Variants in LANCL2 observed in about 807,000 individuals in gnomAD.
LANCL2 encodes the protein LanC like glutathione S-transferase 2.
A neutral mutation model predicts 56.9 loss-of-function variants in LANCL2; 33 were observed. That is an observed-to-expected ratio of 0.58 (90% confidence interval 0.44 to 0.78). LANCL2 has a LOEUF of 0.78. Among genes scored for constraint, LANCL2 ranks in the 30% least tolerant of loss-of-function variants. LANCL2 has a pLI of 0.00. For missense variants in LANCL2, 562 were observed against 580.2 expected (o/e 0.97, Z 0.32); for synonymous variants, 233 against 228.2 (o/e 1.02, Z -0.19).
intron 1 of LANCL2, among the ~76,000 whole-genome samples, chr7:55,376,472 C>G (rs151249755): frequency 4.1e-4 from 62 of 152,260 alleles, no homozygotes; most frequent in African/African-American, 1.4e-3. Flanking sequence ...TGACGGTACT[C>G]CCTCATCAAA....
Position 55,366,189 on chromosome 7 carries a change from C to G in LANCL2, c.164C>G (p.Thr55Ser). 6.4e-7 allele frequency: 1 copy of G among 1,550,906 alleles called. No individual in the cohort carries two copies. Among genetic ancestry groups the G allele is most frequent in the Non-Finnish European group, 8.7e-7 (1 of 1,146,224 alleles). ...EETGCVRPPA[T>S]TDEPGLPFHQ... ...ACAGGCTGTGTTCGTCCCCCGGCGA[C>G]CACGGATGAGCCCGGCCTCCCTTTT... The change falls in exon 1 of 9, where the codon ACC becomes AGC. Residue 55 changes from threonine to serine, a missense_variant. Physicochemically the swap from Thr to Ser is moderately conservative, Grantham distance 58. Transcript: ENST00000254770.
intron 8 of LANCL2, among the ~76,000 whole-genome samples, chr7:55,429,829 C>T (rs1790708226): frequency 6.6e-6 from 1 of 152,292 alleles, no homozygotes; most frequent in East Asian, 1.9e-4. Flanking sequence ...TAATAGGTCA[C>T]CTCCTTCCCC....
At chr7:55,405,048 T>C (rs956027876) in intron 5 of LANCL2, among the ~76,000 whole-genome samples, 2 of 152,198 alleles carry the variant, frequency 1.3e-5, no homozygotes, top group Non-Finnish European at 2.9e-5. Context: ...ATATTATATA[T>C]GAGATGGGAT....
intron 2 of LANCL2, among the ~76,000 whole-genome samples, chr7:55,395,617 C>T (rs887381864): frequency 2.6e-5 from 4 of 151,910 alleles, no homozygotes; most frequent in Non-Finnish European, 5.9e-5. Flanking sequence ...GGAAAAAAAT[C>T]AAAGAGAAAG....
chr7:55,366,221 G>A lies in LANCL2; in HGVS notation c.196G>A (p.Asp66Asn), dbSNP rs1209019925. Residue 66 changes from aspartate (D) to asparagine (N), a missense_variant, in exon 1 of 9, where the codon GAC (aspartate) becomes AAC (asparagine). Physicochemically the swap from Asp to Asn is conservative, Grantham distance 23 (BLOSUM62 1). Coordinates refer to ENST00000254770, the MANE Select transcript of LANCL2 (RefSeq NM_018697.4). ...TDEPGLPFHQ[D>N]GKIIHNFIRR... Reference sequence around the variant, plus strand: ...TGAGCCCGGCCTCCCTTTTCATCAGGACGGGAAGGTGAGTCGGCGGCCTGG... The same window carrying A: ...TGAGCCCGGCCTCCCTTTTCATCAGAACGGGAAGGTGAGTCGGCGGCCTGG... 3.3e-6 allele frequency: 5 copies of A among 1,515,628 alleles called. No homozygotes were observed. Among genetic ancestry groups the A allele is most frequent in the East Asian group, 5.1e-5 (2 of 39,130 alleles). The allele number at this position is 1,515,628 out of a possible 1,614,324, so 93.9% of individuals were successfully genotyped here.
intron 6 of LANCL2, among the ~76,000 whole-genome samples, chr7:55,420,468 C>T (rs756696600): frequency 2.6e-5 from 4 of 152,182 alleles, no homozygotes; most frequent in African/African-American, 4.8e-5. Flanking sequence ...TTTTATGGCC[C>T]AGTATTTAGT....
Position 55,431,457 on chromosome 7 carries a change from G to A in LANCL2, c.*137G>A. On this transcript the variant is annotated 3_prime_UTR_variant, in exon 9 of 9. Transcript: ENST00000254770. ...GGCCCCTCTGGTTAGACTAGCATGA[G>A]TGACCGAAGCCATCCATCAACATTT... The A allele has an allele frequency of 1.8e-6, 1 of 570,316 alleles. No homozygotes were observed. The highest frequency in any genetic ancestry group is 3.1e-6 in the Non-Finnish European group (1 of 327,252). The allele number at this position is 570,316 out of a possible 1,614,324, so 35.3% of individuals were successfully genotyped here.
chr7:55,389,943 C>T (rs1790166328), intron 1 of LANCL2, among the ~76,000 whole-genome samples: 1 of 152,172 alleles, frequency 6.6e-6, no homozygotes, highest in Admixed American at 6.5e-5. Flanking sequence ...TCTGGGGCCT[C>T]ATGGCACTTT....
rs1050756223 is a variant in LANCL2 at position 55,400,196 on chromosome 7, G to A, written c.678+92G>A. On this transcript the variant is annotated intron_variant, in intron 4 of 8. Transcript: ENST00000254770. ...TATTAACAGCTGGACTTTACTTCTA[G>A]GTAGCATTACTTTTTTAAAGCAACT... 10 of 1,111,860 alleles carry A rather than the reference G, an allele frequency of 9.0e-6. No individual in the cohort carries two copies. In the East Asian group the frequency reaches 2.5e-4, roughly 28 times the overall value. 68.9% of individuals were successfully genotyped at this position (1,111,860 alleles called of 1,614,324 possible).
At chr7:55,406,715 T>A (rs532601631) in intron 5 of LANCL2, among the ~76,000 whole-genome samples, 23 of 152,264 alleles carry the variant, frequency 1.5e-4, no homozygotes, top group African/African-American at 4.3e-4. Context: ...CAAAAACTCT[T>A]AAAATATCAC....
intron 1 of LANCL2, among the ~76,000 whole-genome samples, chr7:55,370,242 C>G (rs1024404844): frequency 7.2e-5 from 11 of 152,182 alleles, no homozygotes; most frequent in Admixed American, 3.9e-4. Context: ...TGGCTGTCTT[C>G]CCTGAGACTG....
At chr7:55,374,734 A>G (rs1406246353) in intron 1 of LANCL2, among the ~76,000 whole-genome samples, 5 of 152,220 alleles carry the variant, frequency 3.3e-5, no homozygotes, top group Admixed American at 2.6e-4. Flanking sequence ...TGAATTAGGA[A>G]ATGCACTTCC....
chr7:55,397,268 C>T (rs980096564), intron 2 of LANCL2: 37 of 152,098 alleles, frequency 2.4e-4, no homozygotes, highest in Admixed American at 1.0e-3. Context: ...CAAGACCAGC[C>T]TGACCAACAT....
intron 1 of LANCL2, among the ~76,000 whole-genome samples, chr7:55,389,289 G>A (rs1371327366): frequency 2.0e-5 from 3 of 152,138 alleles, no homozygotes; most frequent in South Asian, 4.1e-4. Flanking sequence ...GGTGTCACTC[G>A]GGGTTGACTG....
At position 55,433,564 on chromosome 7, in the gene LANCL2, T is replaced by C. The variant is rs1790757612; in HGVS notation, c.*2244T>C. The C allele has an allele frequency of 6.6e-6, 1 of 152,252 alleles. No homozygotes were observed. The highest frequency in any genetic ancestry group is 1.5e-5 in the Non-Finnish European group (1 of 68,036). 9.4% of individuals were successfully genotyped at this position (152,252 alleles called of 1,614,324 possible). ...TTGAATCAGATTTCAGTACATCTCA[T>C]TCATTTCTTAGATTTGTATTCACAA... On this transcript the variant is annotated 3_prime_UTR_variant, in exon 9 of 9. Transcript: ENST00000254770.
At chr7:55,419,519 A>G (rs550589604) in intron 6 of LANCL2, among the ~76,000 whole-genome samples, 76 of 149,914 alleles carry the variant, frequency 5.1e-4, no homozygotes, top group African/African-American at 1.9e-3. Flanking sequence ...CTCCTGCTGC[A>G]GCCTTCCATG....
intron 5 of LANCL2, among the ~76,000 whole-genome samples, chr7:55,402,676 G>A (rs1169893113): frequency 8.0e-6 from 1 of 124,846 alleles, no homozygotes; most frequent in Admixed American, 7.2e-5. Flanking sequence ...CCTTCCGGAC[G>A]GGGCGGCTGG....
intron 5 of LANCL2, among the ~76,000 whole-genome samples, chr7:55,406,952 C>T (rs538470618): frequency 3.1e-4 from 47 of 152,236 alleles, no homozygotes; most frequent in Middle Eastern, 3.4e-3. Flanking sequence ...ACGGTGCCCA[C>T]GAGAAGCAAG....
At chr7:55,411,438 G>A (rs930719253) in intron 5 of LANCL2, 9 of 152,672 alleles carry the variant, frequency 5.9e-5, no homozygotes, top group Admixed American at 5.9e-4. Context: ...AACACCTTAG[G>A]AGTTGAGTGC....
Sources: gnomAD v4.1 joint callset for allele counts (sites outside exome capture counted in the v4.1 genomes callset) on GRCh38, gnomAD v4.1.1 for gene constraint, MANE v1.5 for transcripts, NCBI Gene and HGNC (gene_info 2026-07-23, HGNC 2026-07-21) for gene names.